The following SETD3 variants were observed in gnomAD, a reference collection of about 807,000 sequenced individuals.
The protein encoded by SETD3 is actin-histidine N-methyltransferase.
SETD3 carries 19 observed loss-of-function variants against 63.0 expected under a neutral mutation model. The observed-to-expected ratio is 0.30, with a 90% CI of 0.21 to 0.44. SETD3 has a LOEUF of 0.44. Ranked by LOEUF, SETD3 falls within the 20% of genes least tolerant of loss-of-function variation. The probability of loss-of-function intolerance (pLI) is 1.00; values close to 1 mark genes in which losing one functional copy is unlikely to be tolerated. For synonymous variants in SETD3, 286 were observed against 264.1 expected, an observed-to-expected ratio of 1.08 and a Z score of -0.80; for missense variants, 587 against 728.5, an observed-to-expected ratio of 0.81 and a Z score of 2.24.
At chr14:99,425,020 G>A (rs1317331389) in intron 6 of SETD3, among the ~76,000 whole-genome samples, 1 of 152,122 alleles carries the variant, frequency 6.6e-6, no homozygotes, top group Non-Finnish European at 1.5e-5. Context: ...GCTTCGGAGG[G>A]TGCCCTATAG....
intron 6 of SETD3, among the ~76,000 whole-genome samples, chr14:99,454,681 A>G (rs900019485): frequency 1.3e-5 from 2 of 152,198 alleles, no homozygotes; most frequent in African/African-American, 4.8e-5. Flanking sequence ...CTCGCTCAGC[A>G]ACCCTGGGAG....
chr14:99,475,268 G>A (rs1006991436), intron 1 of SETD3, among the ~76,000 whole-genome samples: 6 of 152,210 alleles, frequency 3.9e-5, no homozygotes, highest in Admixed American at 6.5e-5. Flanking sequence ...TCAATCCCAC[G>A]CGTGTTTAAG....
chr14:99,448,511 C>T (rs1197514469), intron 6 of SETD3, among the ~76,000 whole-genome samples: 1 of 152,202 alleles, frequency 6.6e-6, no homozygotes, highest in Admixed American at 6.5e-5. Context: ...CCTAGATGAA[C>T]AACCTGAAAA....
intron 6 of SETD3, among the ~76,000 whole-genome samples, chr14:99,457,742 T>C (rs1894840237): frequency 6.6e-6 from 1 of 152,208 alleles, no homozygotes; most frequent in Admixed American, 6.5e-5. Context: ...ACCACCAAAA[T>C]ACAGAAAGGT....
intron 6 of SETD3, among the ~76,000 whole-genome samples, chr14:99,453,491 C>T (rs1894579945): frequency 6.6e-6 from 1 of 152,150 alleles, no homozygotes; most frequent in Non-Finnish European, 1.5e-5. Context: ...GTGCCTACAG[C>T]TCCTATTCCA....
chr14:99,458,149 AT>A, intron 6 of SETD3, 129 bp downstream of exon 6: 1 of 1,088,858 alleles, frequency 9.2e-7, no homozygotes, highest in South Asian at 1.7e-5. Context: ...AATGTATTTT[AT>A]ATTTTCAATT....
At chr14:99,436,822 G>A (rs1280376782) in intron 6 of SETD3, among the ~76,000 whole-genome samples, 2 of 152,096 alleles carry the variant, frequency 1.3e-5, no homozygotes, top group Admixed American at 6.5e-5. Flanking sequence ...AGTGTTCCCT[G>A]GGTTCTTCAG....
At position 99,398,631 on chromosome 14, in the gene SETD3, T is replaced by C; in HGVS notation, c.*48A>G. On this transcript the variant is annotated 3_prime_UTR_variant, in exon 13 of 13. Coordinates refer to ENST00000331768, the MANE Select transcript of SETD3 (RefSeq NM_032233.3). ...GAAACACAGCGATGTGAACGGACTG[T>C]CCGTCAACTCCTGCTCCACTGGATC... is the stretch of plus-strand genomic sequence containing the variant. 2 of 1,533,910 alleles carry C rather than the reference T, an allele frequency of 1.3e-6. No individual in the cohort carries two copies. The highest frequency in any genetic ancestry group is 1.8e-6 in the Non-Finnish European group (2 of 1,115,946).
chr14:99,447,631 A>G (rs1894210857), intron 6 of SETD3, among the ~76,000 whole-genome samples: 1 of 152,246 alleles, frequency 6.6e-6, no homozygotes, highest in Admixed American at 6.5e-5. Flanking sequence ...TGGCTCTACC[A>G]AACTTTATAA....
At chr14:99,451,165 C>T (rs568347401) in intron 6 of SETD3, among the ~76,000 whole-genome samples, 2 of 152,322 alleles carry the variant, frequency 1.3e-5, no homozygotes, top group African/African-American at 4.8e-5. Flanking sequence ...TACTTTTCCA[C>T]TTATTTCTAT....
intron 3 of SETD3, among the ~76,000 whole-genome samples, chr14:99,462,513 G>A (rs866683972): frequency 2.0e-5 from 3 of 152,190 alleles, no homozygotes; most frequent in African/African-American, 7.2e-5. Flanking sequence ...ATTCAAAGAC[G>A]GAACTTCCTA....
Position 99,403,455 on chromosome 14 carries a change from A to ACTCTCTCTCTCTCTCTCT in SETD3, c.1177+752_1177+769dup, listed in dbSNP as rs55804663. Among the ~76,000 whole-genome samples, 512 of 135,428 alleles carry ACTCTCTCTCTCTCTCTCT rather than the reference A, an allele frequency of 3.8e-3. 7 individuals are homozygous for ACTCTCTCTCTCTCTCTCT. The highest frequency in any genetic ancestry group is 0.014 in the African/African-American group (457 of 33,298). 88.8% of individuals were successfully genotyped at this position (135,428 alleles called of 152,430 possible). ...TACACACACACACACACACACACAC[A>ACTCTCTCTCTCTCTCTCT]CTCTCTCTCTCTCTCTCTCTCTCTC... is the stretch of plus-strand genomic sequence containing the variant. On this transcript the variant is annotated intron_variant, in intron 11 of 12. Coordinates refer to ENST00000331768, the MANE Select transcript of SETD3 (RefSeq NM_032233.3).
intron 1 of SETD3, among the ~76,000 whole-genome samples, chr14:99,469,612 G>A (rs1268842210): frequency 1.3e-5 from 2 of 152,208 alleles, no homozygotes; most frequent in East Asian, 1.9e-4. Flanking sequence ...GGGCACCGTG[G>A]CGCAAGCCTG....
At chr14:99,463,029 C>G (rs1443424293) in intron 3 of SETD3, among the ~76,000 whole-genome samples, 3 of 152,192 alleles carry the variant, frequency 2.0e-5, no homozygotes, top group African/African-American at 7.2e-5. Context: ...CGACTGCATA[C>G]GTCCTGTAAA....
At chr14:99,443,225 C>G (rs569121780) in intron 6 of SETD3, among the ~76,000 whole-genome samples, 7 of 151,220 alleles carry the variant, frequency 4.6e-5, no homozygotes, top group Non-Finnish European at 7.4e-5. Flanking sequence ...CAAATTTCTC[C>G]ATAAAGCAAT....
chr14:99,419,772 C>A, intron 6 of SETD3, among the ~76,000 whole-genome samples: 1 of 141,502 alleles, frequency 7.1e-6, no homozygotes, highest in Non-Finnish European at 1.5e-5. Context: ...GAGACTCCGT[C>A]TCAAAAAAAA....
At chr14:99,476,696 A>T (rs938325617) in intron 1 of SETD3, among the ~76,000 whole-genome samples, 1 of 152,250 alleles carries the variant, frequency 6.6e-6, no homozygotes, top group African/African-American at 2.4e-5. Context: ...AAAACTGCTG[A>T]TATTGAAAAG....
In SETD3 at chr14:99,434,274, C is replaced by T. The variant is rs151072195; in HGVS notation, c.676-20340G>A. On this transcript the variant is annotated intron_variant, in intron 6 of 12. Transcript: ENST00000331768. ...CAGCAACATGGGTGAATTCCAGAGA[C>T]TGAGCCAAAGAAGCCAGAGACCAAG... 9.7e-4 allele frequency among the ~76,000 whole-genome samples: 148 copies of T among 152,294 alleles called. 1 individual carries two copies. Among genetic ancestry groups the T allele is most frequent in the African/African-American group, 3.4e-3 (142 of 41,546 alleles).
chr14:99,426,759 AG>A (rs778529435), intron 6 of SETD3, among the ~76,000 whole-genome samples: 5 of 149,350 alleles, frequency 3.3e-5, no homozygotes, highest in Non-Finnish European at 7.4e-5. Context: ...GTCCTCTCCC[AG>A]GGGGGAGCAT....
Sources: allele counts gnomAD v4.1 joint callset (sites outside exome capture counted in the v4.1 genomes callset), GRCh38; gene constraint gnomAD v4.1.1; transcripts MANE v1.5; gene names NCBI Gene and HGNC (gene_info 2026-07-23, HGNC 2026-07-21).